Variants in ZNF407 observed in about 807,000 individuals in gnomAD.
ZNF407 encodes the protein zinc finger protein 407.
Under a neutral mutation model 131.2 loss-of-function variants are expected in ZNF407, and 17 were observed. The observed-to-expected ratio is 0.13, with a 90% confidence interval of 0.09 to 0.19. ZNF407 has a LOEUF of 0.19. Ranked by LOEUF, ZNF407 falls within the 10% of genes least tolerant of loss-of-function variation. The pLI, the probability that ZNF407 is intolerant of heterozygous loss-of-function variation, is 1.00. For synonymous variants in ZNF407, 1,156 were observed against 1,062.0 expected (o/e 1.09, Z -1.72); for missense variants, 2,681 against 2,830.6 (o/e 0.95, Z 1.20).
chr18:74,932,009 T>G (rs1012856187), intron 8 of ZNF407, among the ~76,000 whole-genome samples: 1 of 152,162 alleles, frequency 6.6e-6, no homozygotes, highest in Non-Finnish European at 1.5e-5. Flanking sequence ...AACAGTGTGT[T>G]TCATACAGAA....
At chr18:74,600,627 G>T (rs975114392) in intron 1 of ZNF407, among the ~76,000 whole-genome samples, 1 of 152,156 alleles carries the variant, frequency 6.6e-6, no homozygotes, top group Non-Finnish European at 1.5e-5. Context: ...GCTTAAAGAG[G>T]TTAGGGAGGA....
intron 3 of ZNF407, among the ~76,000 whole-genome samples, chr18:74,699,066 C>T (rs776913273): frequency 5.9e-5 from 9 of 152,116 alleles, no homozygotes; most frequent in Non-Finnish European, 1.3e-4. Context: ...CATCCCTTCC[C>T]GCTCTCTCTC....
In ZNF407 at chr18:74,625,376, A is replaced by G. The variant is rs954111872; in HGVS notation, c.-53-5591A>G. Among the ~76,000 whole-genome samples, 24 of 151,852 alleles carry G rather than the reference A, an allele frequency of 1.6e-4. No homozygotes were observed. In the South Asian group the frequency reaches 1.7e-3, roughly 11 times the overall value. ...TGTGTGCCTGTGTATGTGCGTACGT[A>G]TGTATGTCTTCCCTAAGTAATGTGG... On this transcript the variant is annotated intron_variant, in intron 1 of 8. Coordinates refer to ENST00000299687, the MANE Select transcript of ZNF407 (RefSeq NM_017757.3).
At chr18:74,671,548 TC>T (rs200741951) in intron 3 of ZNF407, among the ~76,000 whole-genome samples, 2,074 of 152,210 alleles carry the variant, frequency 0.014, 22 homozygotes, top group Non-Finnish European at 0.02. Context: ...TGTCTTTTGT[TC>T]CTTTTTTTGT....
At chr18:74,811,367 A>G (rs2145088413) in intron 4 of ZNF407, among the ~76,000 whole-genome samples, 1 of 152,302 alleles carries the variant, frequency 6.6e-6, no homozygotes, top group East Asian at 1.9e-4. Flanking sequence ...TTAAAAAGTC[A>G]GGAAACAAAG....
chr18:74,931,288 A>G (rs1291666910), intron 8 of ZNF407, among the ~76,000 whole-genome samples: 2 of 152,212 alleles, frequency 1.3e-5, no homozygotes, highest in Non-Finnish European at 2.9e-5. Context: ...ATGAGAGAAA[A>G]TATTTTGCAA....
intron 8 of ZNF407, among the ~76,000 whole-genome samples, chr18:75,042,190 C>T (rs929118380): frequency 4.6e-5 from 7 of 152,014 alleles, no homozygotes; most frequent in Non-Finnish European, 8.8e-5. Context: ...TATGAACCAC[C>T]ACACCTGGCC....
At chr18:75,035,781 C>T (rs1599305394) in intron 8 of ZNF407, among the ~76,000 whole-genome samples, 2 of 152,214 alleles carry the variant, frequency 1.3e-5, no homozygotes, top group Admixed American at 6.5e-5. Context: ...GAATACATTG[C>T]AAATGCCAGT....
chr18:74,987,128 A>G (rs1165682838), intron 8 of ZNF407, among the ~76,000 whole-genome samples: 2 of 152,208 alleles, frequency 1.3e-5, no homozygotes, highest in Non-Finnish European at 2.9e-5. Context: ...GCTGATACAC[A>G]TCGCGTGTGT....
At chr18:74,866,987 G>GAAAAAAAAAAA in intron 4 of ZNF407, among the ~76,000 whole-genome samples, 1 of 62,788 alleles carries the variant, frequency 1.6e-5, no homozygotes, top group Non-Finnish European at 2.9e-5. Context: ...GTGTCTACCC[G>GAAAAAAAAAAA]AAAAAAAAAA....
intron 8 of ZNF407, among the ~76,000 whole-genome samples, chr18:74,957,268 G>A (rs1419923184): frequency 6.6e-6 from 1 of 152,080 alleles, no homozygotes; most frequent in Non-Finnish European, 1.5e-5. Flanking sequence ...TTCTACCATG[G>A]GGGCAACCGG....
chr18:74,636,323 G>A (rs1984460645), intron 2 of ZNF407, among the ~76,000 whole-genome samples: 1 of 151,244 alleles, frequency 6.6e-6, no homozygotes, highest in African/African-American at 2.4e-5. Flanking sequence ...TTTAATTTTA[G>A]GTGGAAAGTT....
rs986636396 is a variant in ZNF407 at position 74,786,782 on chromosome 18, T to TA, written c.4877+5286dup. Among the ~76,000 whole-genome samples, 10 of 148,614 alleles carry TA rather than the reference T, an allele frequency of 6.7e-5. 1 individual carries two copies. Among genetic ancestry groups the TA allele is most frequent in the African/African-American group, 1.5e-4 (6 of 40,376 alleles). On this transcript the variant is annotated intron_variant, in intron 4 of 8. Coordinates refer to ENST00000299687, the MANE Select transcript of ZNF407 (RefSeq NM_017757.3). The stretch of plus-strand genomic sequence containing the variant: ...GACCTGGTTTTAATTGGTTTTAATG[T>TA]AAAAAAGTATGTTTTTTTTTTTTTT...
chr18:74,671,467 T>C (rs181221902), intron 3 of ZNF407, among the ~76,000 whole-genome samples: 61 of 152,250 alleles, frequency 4.0e-4, no homozygotes, highest in African/African-American at 1.5e-3. Context: ...GTATTAAACC[T>C]AGTACCCAAC....
chr18:74,955,075 GT>G (rs1250367963), intron 8 of ZNF407, among the ~76,000 whole-genome samples: 1 of 148,104 alleles, frequency 6.8e-6, no homozygotes, highest in Non-Finnish European at 1.5e-5. Context: ...TGAAGTCAGT[GT>G]TTGAGGGGAG....
intron 1 of ZNF407, among the ~76,000 whole-genome samples, chr18:74,612,504 A>G (rs1379734988): frequency 6.6e-6 from 1 of 152,178 alleles, no homozygotes; most frequent in Non-Finnish European, 1.5e-5. Context: ...GATTTGATGG[A>G]GATGGAGAGA....
intron 8 of ZNF407, among the ~76,000 whole-genome samples, chr18:74,929,257 G>A (rs1056451369): frequency 1.7e-4 from 26 of 152,064 alleles, no homozygotes; most frequent in African/African-American, 4.6e-4. Flanking sequence ...CTTCCTTCCC[G>A]GCTCCCTTCC....
At position 74,703,773 on chromosome 18, in the gene ZNF407, A is replaced by G. The variant is rs140596780; in HGVS notation, c.4802+62651A>G. Among the ~76,000 whole-genome samples, 1 of 152,258 alleles carries G rather than the reference A, an allele frequency of 6.6e-6. No homozygotes were observed. The highest frequency in any genetic ancestry group is 1.5e-5 in the Non-Finnish European group (1 of 68,028). On this transcript the variant is annotated intron_variant, in intron 3 of 8. Transcript: ENST00000299687. This position sits in a 1 kb window ranked among gnomAD's most constrained non-coding sequence, Gnocchi z 4.1. ...ATTAGTGTGTTCTGCCCTATTAGCA[A>G]ATGATCTACTAACAGAAATCCCCAG...
intron 3 of ZNF407, among the ~76,000 whole-genome samples, chr18:74,774,894 A>G (rs1046330277): frequency 1.4e-4 from 22 of 152,198 alleles, no homozygotes; most frequent in Non-Finnish European, 4.4e-5. Context: ...ATGACCTAAA[A>G]TAAAGAAAAA....
Sources: allele counts gnomAD v4.1 joint callset (sites outside exome capture counted in the v4.1 genomes callset), GRCh38; gene constraint gnomAD v4.1.1; non-coding constraint Gnocchi (gnomAD v3.1); transcripts MANE v1.5; gene names NCBI Gene and HGNC (gene_info 2026-07-23, HGNC 2026-07-21).